The following MAP1LC3B variants were observed in gnomAD, a reference collection of about 807,000 sequenced individuals.
The protein encoded by MAP1LC3B is microtubule-associated protein 1 light chain 3 beta.
In MAP1LC3B, 12 loss-of-function variants were observed where a neutral mutation model predicts 16.7. The observed-to-expected ratio is 0.72, with a 90% CI of 0.46 to 1.16. The LOEUF (loss-of-function observed/expected upper bound fraction) is 1.16, where lower values mean the gene tolerates loss of function less well. Ranked by LOEUF, MAP1LC3B falls within the 50% of genes most tolerant of loss-of-function variation. The probability of loss-of-function intolerance (pLI) is 0.00; values close to 1 mark genes in which losing one functional copy is unlikely to be tolerated. For synonymous variants in MAP1LC3B, 63 were observed against 56.5 expected, an observed-to-expected ratio of 1.11 and a Z score of -0.51; for missense variants, 155 against 159.5, an observed-to-expected ratio of 0.97 and a Z score of 0.15.
At position 87,392,414 on chromosome 16, in the gene MAP1LC3B, C is replaced by G; in HGVS notation, c.-14C>G. The G allele has an allele frequency of 7.0e-7, 1 of 1,428,346 alleles. No individual in the cohort carries two copies. The highest frequency in any genetic ancestry group is 9.1e-7 in the Non-Finnish European group (1 of 1,099,992). The allele number at this position is 1,428,346 out of a possible 1,614,324, so 88.5% of individuals were successfully genotyped here. A position where few individuals can be genotyped will look rare whatever the true frequency, so the allele number is the denominator to read the frequency against. On this transcript the variant is annotated 5_prime_UTR_variant, in exon 1 of 4. Coordinates refer to ENST00000268607, the MANE Select transcript of MAP1LC3B (RefSeq NM_022818.5). ...TCGCGTCGTCGCCGCCGCCGCCGCC[C>G]AGATCCCTGCACCATGCCGTCGGAG...
At position 87,403,311 on chromosome 16, in the gene MAP1LC3B, T is replaced by C; in HGVS notation, c.*214T>C. 1 of 448,494 alleles carries C rather than the reference T, an allele frequency of 2.2e-6. No homozygotes were observed. The allele number at this position is 448,494 out of a possible 1,614,324, so 27.8% of individuals were successfully genotyped here. A position where few individuals can be genotyped will look rare whatever the true frequency, so the allele number is the denominator to read the frequency against. ...CAGCTTTGGAAACTATATTATTTAA[T>C]GTAGGCTAGCTTGTTTTCAAATTTT... On this transcript the variant is annotated 3_prime_UTR_variant, in exon 4 of 4. Coordinates refer to ENST00000268607, the MANE Select transcript of MAP1LC3B (RefSeq NM_022818.5).
intron 2 of MAP1LC3B, among the ~76,000 whole-genome samples, chr16:87,400,966 C>G (rs965432616): frequency 2.6e-5 from 4 of 151,918 alleles, no homozygotes; most frequent in Non-Finnish European, 4.4e-5. Context: ...AACCCCATCT[C>G]TACTAAAAAT....
rs1242111556 is a variant in MAP1LC3B at position 87,404,660 on chromosome 16, AAAAT to A, written c.*1566_*1569del. The stretch of plus-strand genomic sequence containing the variant: ...TAAGAAATACTGCTTTTTAAGAAAA[AAAAT>A]AACATGCTGAGGGGTGACCTATATC... On this transcript the variant is annotated 3_prime_UTR_variant, in exon 4 of 4. Transcript: ENST00000268607. 1 of 152,222 alleles carries A rather than the reference AAAAT, an allele frequency of 6.6e-6. No individual in the cohort carries two copies. The highest frequency in any genetic ancestry group is 1.5e-5 in the Non-Finnish European group (1 of 68,034). The allele number at this position is 152,222 out of a possible 1,614,324, so 9.4% of individuals were successfully genotyped here.
intron 2 of MAP1LC3B, chr16:87,399,566 T>C (rs1597390256): frequency 2.2e-6 from 1 of 448,336 alleles, no homozygotes; most frequent in Middle Eastern, 3.3e-4. Flanking sequence ...GATTTCCCAT[T>C]CCTGCCACTC....
intron 2 of MAP1LC3B, chr16:87,400,174 AT>A (rs1218306919): frequency 3.2e-5 from 3 of 93,898 alleles, no homozygotes; most frequent in Admixed American, 1.2e-4. Context: ...GTGTGTGTGT[AT>A]AAAATTTTTT....
intron 3 of MAP1LC3B, 156 bp downstream of exon 3, chr16:87,402,437 A>C: frequency 2.8e-6 from 2 of 714,400 alleles, no homozygotes; most frequent in Non-Finnish European, 4.5e-6. Flanking sequence ...AACAATTTCA[A>C]CTTAAACTAT....
At chr16:87,397,394 G>T (rs564988353) in intron 1 of MAP1LC3B, among the ~76,000 whole-genome samples, 2 of 151,934 alleles carry the variant, frequency 1.3e-5, no homozygotes, top group African/African-American at 4.8e-5. Flanking sequence ...TGAGGTGGGC[G>T]GATCACGAGG....
In MAP1LC3B at chr16:87,404,179, T is replaced by C. The variant is rs1908094773; in HGVS notation, c.*1082T>C. 1 of 152,190 alleles carries C rather than the reference T, an allele frequency of 6.6e-6. No individual in the cohort carries two copies. Among genetic ancestry groups the C allele is most frequent in the Non-Finnish European group, 1.5e-5 (1 of 68,028 alleles). The allele number at this position is 152,190 out of a possible 1,614,324, so 9.4% of individuals were successfully genotyped here. A position where few individuals can be genotyped will look rare whatever the true frequency, so the allele number is the denominator to read the frequency against. On this transcript the variant is annotated 3_prime_UTR_variant, in exon 4 of 4. Coordinates refer to ENST00000268607, the MANE Select transcript of MAP1LC3B (RefSeq NM_022818.5). ...GGAGAAAACATAGCAAAAAGAGCCG[T>C]ACGCTCTTTACAGATACTAATGTCA...
At chr16:87,395,058 G>C (rs908398177) in intron 1 of MAP1LC3B, among the ~76,000 whole-genome samples, 1 of 152,180 alleles carries the variant, frequency 6.6e-6, no homozygotes, top group African/African-American at 2.4e-5. Flanking sequence ...GGGAGGGGGA[G>C]TGCTTCAGTT....
chr16:87,392,367 C>A lies in MAP1LC3B; in HGVS notation c.-61C>A. 1.5e-6 allele frequency: 2 copies of A among 1,364,352 alleles called. No homozygotes were observed. The highest frequency in any genetic ancestry group is 1.5e-5 in the African/African-American group (1 of 64,928). The allele number at this position is 1,364,352 out of a possible 1,614,324, so 84.5% of individuals were successfully genotyped here. A position where few individuals can be genotyped will look rare whatever the true frequency, so the allele number is the denominator to read the frequency against. ...GGATTCGCCGCCGCAGCAGCCGCCG[C>A]CCCCGGGAGCCGCCGGGACCCTCGC... On this transcript the variant is annotated 5_prime_UTR_variant, in exon 1 of 4. Coordinates refer to ENST00000268607, the MANE Select transcript of MAP1LC3B (RefSeq NM_022818.5).
rs942316277 is a variant in MAP1LC3B, at chr16:87,402,742, G to A, written c.204-181G>A. 4.1e-6 allele frequency: 3 copies of A among 735,274 alleles called. No individual in the cohort carries two copies. In the African/African-American group the frequency reaches 5.3e-5, roughly 13 times the overall value. 45.5% of individuals were successfully genotyped at this position (735,274 alleles called of 1,614,324 possible). A position where few individuals can be genotyped will look rare whatever the true frequency, so the allele number is the denominator to read the frequency against. On this transcript the variant is annotated intron_variant, in intron 3 of 3. Coordinates refer to ENST00000268607, the MANE Select transcript of MAP1LC3B (RefSeq NM_022818.5). ...AATCAGCCTAATATGTAATCTTTCA[G>A]TGATTATAGCTCATGTCAATATAAT...
At position 87,403,197 on chromosome 16, in the gene MAP1LC3B, A is replaced by G. The variant is rs778983600; in HGVS notation, c.*100A>G. ...GATCGATCAGTTCATCCAATCACAG[A>G]TCATGAAACAGTAGTGTTCCCACCT... On this transcript the variant is annotated 3_prime_UTR_variant, in exon 4 of 4. Transcript: ENST00000268607. 6.4e-5 allele frequency: 93 copies of G among 1,450,114 alleles called. No individual in the cohort carries two copies. The highest frequency in any genetic ancestry group is 2.9e-4 in the Admixed American group (13 of 44,766). The allele number at this position is 1,450,114 out of a possible 1,614,324, so 89.8% of individuals were successfully genotyped here.
At chr16:87,396,347 C>T (rs1168543182) in intron 1 of MAP1LC3B, among the ~76,000 whole-genome samples, 2 of 151,600 alleles carry the variant, frequency 1.3e-5, no homozygotes, top group South Asian at 2.1e-4. Flanking sequence ...TGGTGGCGGG[C>T]GCCTGTAGTC....
intron 1 of MAP1LC3B, among the ~76,000 whole-genome samples, chr16:87,396,101 T>C (rs1907792335): frequency 6.6e-6 from 1 of 151,648 alleles, no homozygotes. Flanking sequence ...CCTCAGGTGA[T>C]CCGCCCGCCT....
intron 2 of MAP1LC3B, chr16:87,399,446 C>G: frequency 3.2e-6 from 1 of 313,644 alleles, no homozygotes; most frequent in Non-Finnish European, 6.3e-6. Context: ...TCAAACTTAC[C>G]AAGGAAAGTG....
Position 87,403,207 on chromosome 16 carries a change from A to G in MAP1LC3B, c.*110A>G. 4 of 1,385,684 alleles carry G rather than the reference A, an allele frequency of 2.9e-6. No homozygotes were observed. In the South Asian group the frequency reaches 4.3e-5, roughly 15 times the overall value. The allele number at this position is 1,385,684 out of a possible 1,614,324, so 85.8% of individuals were successfully genotyped here. On this transcript the variant is annotated 3_prime_UTR_variant, in exon 4 of 4. Coordinates refer to ENST00000268607, the MANE Select transcript of MAP1LC3B (RefSeq NM_022818.5). ...TTCATCCAATCACAGATCATGAAAC[A>G]GTAGTGTTCCCACCTAGGAGTGTTA...
intron 3 of MAP1LC3B, 187 bp from the exon 4 acceptor site, chr16:87,402,736 C>A (rs887443148): frequency 1.4e-6 from 1 of 717,068 alleles, no homozygotes; most frequent in Non-Finnish European, 2.2e-6. Context: ...AATATGTAAT[C>A]TTTCAGTGAT....
intron 1 of MAP1LC3B, among the ~76,000 whole-genome samples, chr16:87,397,180 C>G (rs1254594939): frequency 6.6e-6 from 1 of 152,158 alleles, no homozygotes; most frequent in Non-Finnish European, 1.5e-5. Context: ...GGTAGAAATC[C>G]ATGAGTTTGC....
chr16:87,402,747 T>C lies in MAP1LC3B; in HGVS notation c.204-176T>C, dbSNP rs533884466. 82 of 765,112 alleles carry C rather than the reference T, an allele frequency of 1.1e-4. 1 individual carries two copies. The African/African-American group carries it at 1.3e-3, about 12-fold the overall frequency. 47.4% of individuals were successfully genotyped at this position (765,112 alleles called of 1,614,324 possible). A position where few individuals can be genotyped will look rare whatever the true frequency, so the allele number is the denominator to read the frequency against. ...GCCTAATATGTAATCTTTCAGTGAT[T>C]ATAGCTCATGTCAATATAATCAAAG... On this transcript the variant is annotated intron_variant, in intron 3 of 3. Transcript: ENST00000268607.
Sources: gnomAD v4.1 joint callset for allele counts (sites outside exome capture counted in the v4.1 genomes callset) on GRCh38, gnomAD v4.1.1 for gene constraint, MANE v1.5 for transcripts, NCBI Gene and HGNC (gene_info 2026-07-23, HGNC 2026-07-21) for gene names.